Variants in HS6ST3 observed in about 807,000 individuals in gnomAD.
The protein encoded by HS6ST3 is heparan sulfate 6-O-sulfotransferase 3, also known as heparan-sulfate 6-O-sulfotransferase 3.
In HS6ST3, 12 loss-of-function variants were observed where a neutral mutation model predicts 36.7. The ratio of observed to expected loss-of-function variants is 0.33; its 90% CI spans 0.21 to 0.53. The LOEUF is 0.53. Ranked by LOEUF, HS6ST3 falls within the 20% of genes least tolerant of loss-of-function variation. The probability of loss-of-function intolerance (pLI) is 0.95; values close to 1 mark genes in which losing one functional copy is unlikely to be tolerated. For synonymous variants in HS6ST3, 240 were observed against 257.5 expected (o/e 0.93, Z 0.65); for missense variants, 584 against 640.9 (o/e 0.91, Z 0.96).
At chr13:96,186,621 A>C (rs1594708716) in intron 1 of HS6ST3, among the ~76,000 whole-genome samples, 1 of 152,224 alleles carries the variant, frequency 6.6e-6, no homozygotes, top group South Asian at 2.1e-4. Flanking sequence ...TGAAAATCCA[A>C]GTAAATTGTG....
chr13:96,261,814 GT>G (rs2054667914), intron 1 of HS6ST3, among the ~76,000 whole-genome samples: 1 of 152,086 alleles, frequency 6.6e-6, no homozygotes, highest in African/African-American at 2.4e-5. Flanking sequence ...AAATTGTTTG[GT>G]TTCTGACATT....
chr13:96,241,886 C>T (rs2054562164), intron 1 of HS6ST3, among the ~76,000 whole-genome samples: 1 of 150,436 alleles, frequency 6.6e-6, no homozygotes, highest in Admixed American at 6.6e-5. Flanking sequence ...CCCGGGTTCA[C>T]GCCATTCTTC....
chr13:96,513,939 T>C (rs2056061179), intron 1 of HS6ST3, among the ~76,000 whole-genome samples: 1 of 151,594 alleles, frequency 6.6e-6, no homozygotes, highest in African/African-American at 2.4e-5. Context: ...TCTAGAAGTG[T>C]GTGAGGAAGA....
chr13:96,267,540 T>G (rs2054698366), intron 1 of HS6ST3, among the ~76,000 whole-genome samples: 2 of 150,656 alleles, frequency 1.3e-5, no homozygotes, highest in African/African-American at 5.0e-5. Flanking sequence ...GAATGTCCTT[T>G]GTGTTATTAA....
chr13:96,572,832 A>G (rs903953727), intron 1 of HS6ST3, among the ~76,000 whole-genome samples: 10 of 152,208 alleles, frequency 6.6e-5, no homozygotes, highest in South Asian at 2.1e-4. Flanking sequence ...TCCAAGATGC[A>G]TATTGGAAAA....
chr13:96,315,452 C>G (rs1322788429), intron 1 of HS6ST3, among the ~76,000 whole-genome samples: 1 of 151,834 alleles, frequency 6.6e-6, no homozygotes, highest in Admixed American at 6.6e-5. Context: ...ATATTTAGAA[C>G]AATAACTCTG....
intron 1 of HS6ST3, among the ~76,000 whole-genome samples, chr13:96,104,898 C>T (rs931877232): frequency 6.6e-6 from 1 of 152,006 alleles, no homozygotes; most frequent in Non-Finnish European, 1.5e-5. Flanking sequence ...CCTTCTTTTT[C>T]ATGATGGTTG....
intron 1 of HS6ST3, among the ~76,000 whole-genome samples, chr13:96,370,162 T>G (rs998009174): frequency 6.6e-6 from 1 of 152,190 alleles, no homozygotes; most frequent in African/African-American, 2.4e-5. Context: ...TTTTGATTTA[T>G]TCGGTCTCAG....
In HS6ST3 at chr13:96,656,998, T is replaced by TGAGAGAGA. The variant is rs1179705458; in HGVS notation, c.708-175473_708-175466dup. Among the ~76,000 whole-genome samples the TGAGAGAGA allele has an allele frequency of 7.4e-3, 726 of 98,266 alleles. 14 individuals carry two copies. The highest frequency in any genetic ancestry group is 0.03 in the African/African-American group (687 of 23,222). The allele number at this position is 98,266 out of a possible 152,430, so 64.5% of individuals were successfully genotyped here. A position where few individuals can be genotyped will look rare whatever the true frequency, so the allele number is the denominator to read the frequency against. On this transcript the variant is annotated intron_variant, in intron 1 of 1. Transcript: ENST00000376705. The stretch of plus-strand genomic sequence containing the variant: ...GTGTGTGTGTGTGTGTGTGTGTGTG[T>TGAGAGAGA]GAGAGAGAGAGAGAGAGAGAGAGAG...
chr13:96,282,609 T>A (rs2054781386), intron 1 of HS6ST3, among the ~76,000 whole-genome samples: 2 of 152,194 alleles, frequency 1.3e-5, no homozygotes, highest in South Asian at 4.1e-4. Context: ...AAATATTTAG[T>A]TTATTCTATT....
At chr13:96,824,030 T>TCTAAA (rs1332053181) in intron 1 of HS6ST3, among the ~76,000 whole-genome samples, 1 of 152,202 alleles carries the variant, frequency 6.6e-6, no homozygotes, top group Non-Finnish European at 1.5e-5. Context: ...AACAACTAAA[T>TCTAAA]CTAAACTATT....
At chr13:96,734,891 T>A (rs1876244612) in intron 1 of HS6ST3, among the ~76,000 whole-genome samples, 1 of 152,168 alleles carries the variant, frequency 6.6e-6, no homozygotes, top group African/African-American at 2.4e-5. Context: ...TATTTTTTTT[T>A]TCAGTTGAGG....
chr13:96,561,337 A>G (rs2056261327), intron 1 of HS6ST3, among the ~76,000 whole-genome samples: 1 of 152,186 alleles, frequency 6.6e-6, no homozygotes, highest in South Asian at 2.1e-4. Flanking sequence ...CTATATGTGA[A>G]AGAATGAAAC....
chr13:96,775,111 C>G (rs1877355068), intron 1 of HS6ST3, among the ~76,000 whole-genome samples: 1 of 151,964 alleles, frequency 6.6e-6, no homozygotes, highest in Non-Finnish European at 1.5e-5. Context: ...GAAATAAAAT[C>G]CTTTACAGAC....
chr13:96,222,907 T>G (rs2054462850), intron 1 of HS6ST3, among the ~76,000 whole-genome samples: 1 of 152,192 alleles, frequency 6.6e-6, no homozygotes, highest in African/African-American at 2.4e-5. Context: ...TGTGTATATA[T>G]ATGTTTCAGT....
intron 1 of HS6ST3, among the ~76,000 whole-genome samples, chr13:96,651,358 C>G (rs981393246): frequency 1.3e-5 from 2 of 152,010 alleles, no homozygotes; most frequent in Admixed American, 6.6e-5. Context: ...AGTTAAAATG[C>G]CTTCTATCCA....
chr13:96,462,944 A>G (rs2055792413), intron 1 of HS6ST3, among the ~76,000 whole-genome samples: 2 of 152,210 alleles, frequency 1.3e-5, no homozygotes, highest in African/African-American at 4.8e-5. Context: ...GTGTGAGGTT[A>G]GGCAAATAGT....
At chr13:96,550,072 G>A (rs996129314) in intron 1 of HS6ST3, among the ~76,000 whole-genome samples, 6 of 152,150 alleles carry the variant, frequency 3.9e-5, no homozygotes, top group South Asian at 4.2e-4. Context: ...TCATAGTAGC[G>A]ATTCAATGGT....
chr13:96,661,419 T>C (rs1421391910), intron 1 of HS6ST3, among the ~76,000 whole-genome samples: 2 of 152,146 alleles, frequency 1.3e-5, no homozygotes, highest in African/African-American at 4.8e-5. Context: ...GGTTGTCTTA[T>C]CTGATGTAAG....
Sources: allele counts gnomAD v4.1 joint callset (sites outside exome capture counted in the v4.1 genomes callset), GRCh38; gene constraint gnomAD v4.1.1; transcripts MANE v1.5; gene names NCBI Gene and HGNC (gene_info 2026-07-23, HGNC 2026-07-21).